Variants in AOPEP observed in about 807,000 individuals in gnomAD.
AOPEP encodes the protein aminopeptidase O.
A neutral mutation model predicts 98.1 loss-of-function variants in AOPEP; 77 were observed. The observed-to-expected ratio is 0.78, with a 90% CI of 0.65 to 0.95. The LOEUF is 0.95. Ranked by LOEUF, AOPEP falls within the 40% of genes least tolerant of loss-of-function variation. AOPEP has a pLI of 0.00. For synonymous variants in AOPEP, 346 were observed against 365.3 expected, an observed-to-expected ratio of 0.95 and a Z score of 0.60; for missense variants, 1,024 against 1,024.7, an observed-to-expected ratio of 1.00 and a Z score of 0.01.
chr9:94,756,279 T>C (rs1588066668), intron 1 of AOPEP, among the ~76,000 whole-genome samples: 1 of 146,292 alleles, frequency 6.8e-6, no homozygotes, highest in African/African-American at 2.5e-5. Context: ...AACCCTAAGG[T>C]TGGCTTAGGT....
chr9:94,855,985 AT>A (rs1712302125), intron 5 of AOPEP, among the ~76,000 whole-genome samples: 1 of 152,216 alleles, frequency 6.6e-6, no homozygotes, highest in South Asian at 2.1e-4. Flanking sequence ...AATGGGACTT[AT>A]ACGTAGGTTT....
chr9:94,840,031 G>T (rs535909483), intron 5 of AOPEP, among the ~76,000 whole-genome samples: 1 of 152,316 alleles, frequency 6.6e-6, no homozygotes, highest in South Asian at 2.1e-4. Context: ...GCCTCTCAAA[G>T]TGCTGGGATT....
At chr9:94,787,187 C>G (rs551839377) in intron 3 of AOPEP, among the ~76,000 whole-genome samples, 1 of 152,296 alleles carries the variant, frequency 6.6e-6, no homozygotes, top group African/African-American at 2.4e-5. Context: ...ATTGCTATCT[C>G]ACTCTCAAAC....
At chr9:95,129,508 C>G in the AOPEP span, among the ~76,000 whole-genome samples, 2 of 152,196 alleles carry the variant, frequency 1.3e-5, no homozygotes, top group African/African-American at 4.8e-5. Flanking sequence ...GTGGGGCACT[C>G]CGGTAACACA....
intron 2 of AOPEP, among the ~76,000 whole-genome samples, chr9:94,768,243 C>T (rs1351755705): frequency 6.6e-6 from 1 of 152,112 alleles, no homozygotes; most frequent in South Asian, 2.1e-4. Flanking sequence ...CTCATTACCT[C>T]CAACCTACTT....
intron 5 of AOPEP, among the ~76,000 whole-genome samples, chr9:94,875,884 T>C (rs1312643088): frequency 6.6e-6 from 1 of 152,222 alleles, no homozygotes; most frequent in African/African-American, 2.4e-5. Context: ...TAATTCTTTC[T>C]TACTTACCTA....
At chr9:94,938,668 G>A (rs1288725912) in intron 7 of AOPEP, among the ~76,000 whole-genome samples, 1 of 152,222 alleles carries the variant, frequency 6.6e-6, no homozygotes, top group Non-Finnish European at 1.5e-5. Flanking sequence ...GGTGGGCCAG[G>A]CAAGGCTAGG....
chr9:94,862,923 A>G (rs1364038534), intron 5 of AOPEP, among the ~76,000 whole-genome samples: 2 of 152,236 alleles, frequency 1.3e-5, no homozygotes, highest in East Asian at 1.9e-4. Context: ...ATACTTGATC[A>G]TTCACTAGAA....
intron 1 of AOPEP, among the ~76,000 whole-genome samples, chr9:94,729,291 G>A (rs1463987869): frequency 1.3e-5 from 2 of 152,136 alleles, no homozygotes; most frequent in African/African-American, 4.8e-5. Context: ...TGTCCATAGA[G>A]GCTGGGGGCA....
intron 13 of AOPEP, among the ~76,000 whole-genome samples, chr9:95,010,947 C>T (rs1263485773): frequency 6.6e-6 from 1 of 152,150 alleles, no homozygotes; most frequent in Non-Finnish European, 1.5e-5. Flanking sequence ...GATTCTTGGT[C>T]CTATTTGTGG....
chr9:95,064,822 A>C (rs2067710089), intron 14 of AOPEP, among the ~76,000 whole-genome samples: 1 of 152,224 alleles, frequency 6.6e-6, no homozygotes, highest in South Asian at 2.1e-4. Flanking sequence ...TCTGTGACTC[A>C]AGCACTTAAT....
chr9:94,791,562 T>C (rs1845729100), intron 3 of AOPEP, among the ~76,000 whole-genome samples: 1 of 152,002 alleles, frequency 6.6e-6, no homozygotes, highest in Non-Finnish European at 1.5e-5. Flanking sequence ...CCAGCTACTT[T>C]GGAAGGTGAG....
intron 11 of AOPEP, among the ~76,000 whole-genome samples, chr9:94,989,149 T>G (rs1159985814): frequency 6.6e-6 from 1 of 152,108 alleles, no homozygotes; most frequent in Non-Finnish European, 1.5e-5. Context: ...TCACCCAGGC[T>G]GGAGTGCAGT....
At chr9:95,043,254 A>ATATATACATATATATACAGATG (rs1488540515) in intron 13 of AOPEP, among the ~76,000 whole-genome samples, 1 of 150,020 alleles carries the variant, frequency 6.7e-6, no homozygotes, top group Non-Finnish European at 1.5e-5. Context: ...ATACAGATAT[A>ATATATACATATATATACAGATG]TATATACATA....
intron 5 of AOPEP, among the ~76,000 whole-genome samples, chr9:94,890,385 A>G (rs1588721755): frequency 7.1e-6 from 1 of 141,178 alleles, no homozygotes; most frequent in Non-Finnish European, 1.5e-5. Context: ...CTGGTCTTGA[A>G]CTCCTGACCT....
chr9:94,832,618 A>G (rs1397833940), intron 5 of AOPEP, among the ~76,000 whole-genome samples: 1 of 152,222 alleles, frequency 6.6e-6, no homozygotes, highest in African/African-American at 2.4e-5. Context: ...AACAACCCAG[A>G]TGCCCATCAG....
At chr9:94,846,175 TC>T (rs1295815797) in intron 5 of AOPEP, among the ~76,000 whole-genome samples, 12 of 151,878 alleles carry the variant, frequency 7.9e-5, no homozygotes, top group African/African-American at 2.7e-4. Context: ...TGACTAGAGA[TC>T]TGAATTTGCG....
At chr9:94,818,071 C>T (rs1262034709) in intron 5 of AOPEP, among the ~76,000 whole-genome samples, 1 of 152,120 alleles carries the variant, frequency 6.6e-6, no homozygotes, top group African/African-American at 2.4e-5. Context: ...TGCTTGTCGC[C>T]CAAGATGATG....
chr9:94,999,575 T>A (rs1353724263), intron 11 of AOPEP, among the ~76,000 whole-genome samples: 1 of 152,154 alleles, frequency 6.6e-6, no homozygotes, highest in Non-Finnish European at 1.5e-5. Flanking sequence ...TGATGGATTT[T>A]ATGGGGCTGT....
Sources: allele counts gnomAD v4.1 joint callset (sites outside exome capture counted in the v4.1 genomes callset), GRCh38; gene constraint gnomAD v4.1.1; transcripts MANE v1.5; gene names NCBI Gene and HGNC (gene_info 2026-07-23, HGNC 2026-07-21).